The following ACADSB variants were observed in gnomAD, a reference collection of about 807,000 sequenced individuals.
ACADSB encodes acyl-CoA dehydrogenase short/branched chain.
Under a neutral mutation model 54.1 loss-of-function variants are expected in ACADSB, and 40 were observed. The ratio of observed to expected loss-of-function variants is 0.74; its 90% CI spans 0.57 to 0.96. The LOEUF (loss-of-function observed/expected upper bound fraction) is 0.96, where lower values mean the gene tolerates loss of function less well. ACADSB is among the 40% of genes least tolerant of loss of function. The pLI is 0.00. For synonymous variants in ACADSB, 182 were observed against 182.8 expected (o/e 1.00, Z 0.03); for missense variants, 530 against 510.4 (o/e 1.04, Z -0.37).
At chr10:123,034,837 C>G (rs903089732) in intron 2 of ACADSB, among the ~76,000 whole-genome samples, 2 of 152,200 alleles carry the variant, frequency 1.3e-5, no homozygotes, top group African/African-American at 4.8e-5. Flanking sequence ...CTCTAGTTCC[C>G]CAGTTCTTGC....
At chr10:123,013,861 C>G (rs1206020369) in intron 1 of ACADSB, among the ~76,000 whole-genome samples, 2 of 152,202 alleles carry the variant, frequency 1.3e-5, no homozygotes, top group Non-Finnish European at 2.9e-5. Context: ...GCCACGCAGC[C>G]CTGGTTCCCG....
At chr10:123,013,407 T>TC (rs1175105643) in intron 1 of ACADSB, among the ~76,000 whole-genome samples, 1 of 152,224 alleles carries the variant, frequency 6.6e-6, no homozygotes, top group African/African-American at 2.4e-5. Flanking sequence ...GTTCTCCAAG[T>TC]CCCCACTAGA....
At chr10:123,032,836 G>A (rs533945642) in intron 1 of ACADSB, among the ~76,000 whole-genome samples, 12 of 152,052 alleles carry the variant, frequency 7.9e-5, no homozygotes, top group South Asian at 4.2e-4. Flanking sequence ...TGATCCGCCC[G>A]CCTGGGCCTC....
In ACADSB at chr10:123,053,108, A is replaced by G; in HGVS notation, c.1176A>G (p.Val392=). 11 of 1,614,076 alleles carry G rather than the reference A, an allele frequency of 6.8e-6. No individual in the cohort carries two copies. The highest frequency in any genetic ancestry group is 1.1e-5 in the South Asian group (1 of 91,074). The part of the protein sequence containing the change: ...TSKCIEWMGG[V]GYTKDYPVEK... ...AATGTATCGAGTGGATGGGGGGAGT[A>G]GGCTACACCAAAGATTACCCTGTGG... is the stretch of plus-strand genomic sequence containing the variant. The change falls in exon 10 of 11, where the codon GTA becomes GTG. Residue 392 remains valine, a synonymous_variant. Transcript: ENST00000358776.
At chr10:123,048,991 C>T (rs541203674) in intron 8 of ACADSB, among the ~76,000 whole-genome samples, 29 of 152,306 alleles carry the variant, frequency 1.9e-4, no homozygotes, top group African/African-American at 6.7e-4. Context: ...GCTGGGATTA[C>T]AGGCGTGAGC....
chr10:123,013,603 G>T (rs919656681), intron 1 of ACADSB, among the ~76,000 whole-genome samples: 2 of 152,380 alleles, frequency 1.3e-5, no homozygotes, highest in East Asian at 3.9e-4. Context: ...ACTGGCGGTG[G>T]CGGGGAGACT....
At chr10:123,050,102 G>A (rs891729330) in intron 8 of ACADSB, among the ~76,000 whole-genome samples, 5 of 152,198 alleles carry the variant, frequency 3.3e-5, no homozygotes, top group African/African-American at 1.2e-4. Flanking sequence ...GAAAGAGAAA[G>A]AGAAGAATCT....
chr10:123,027,095 A>G (rs1850264504), intron 1 of ACADSB, among the ~76,000 whole-genome samples: 1 of 152,204 alleles, frequency 6.6e-6, no homozygotes, highest in Non-Finnish European at 1.5e-5. Flanking sequence ...ACCAAGCCAT[A>G]AGTGAATGGT....
At chr10:123,012,493 C>T (rs1378056539) in intron 1 of ACADSB, among the ~76,000 whole-genome samples, 1 of 152,172 alleles carries the variant, frequency 6.6e-6, no homozygotes, top group Admixed American at 6.5e-5. Flanking sequence ...CGGACCCTCG[C>T]GGTGAGTGCT....
At chr10:123,043,192 A>C (rs1300728057) in intron 6 of ACADSB, 21 bp downstream of exon 6, 1 of 1,612,936 alleles carries the variant, frequency 6.2e-7, no homozygotes, top group South Asian at 1.1e-5. Context: ...TAGACTAATC[A>C]GTAAAAGACT....
chr10:123,048,456 G>A (rs745697178), intron 8 of ACADSB, among the ~76,000 whole-genome samples: 3 of 151,836 alleles, frequency 2.0e-5, no homozygotes, highest in Admixed American at 1.3e-4. Context: ...GCTTCTAGTC[G>A]AATTTTCATT....
At chr10:123,011,232 A>G (rs1327662923) in intron 1 of ACADSB, among the ~76,000 whole-genome samples, 1 of 152,252 alleles carries the variant, frequency 6.6e-6, no homozygotes, top group Non-Finnish European at 1.5e-5. Flanking sequence ...GACCAGGGAC[A>G]GCATTTTACA....
At chr10:123,010,741 C>T (rs1850019995) in intron 1 of ACADSB, among the ~76,000 whole-genome samples, 1 of 152,174 alleles carries the variant, frequency 6.6e-6, no homozygotes. Flanking sequence ...TCAGCTCTTA[C>T]TGCCATGCAC....
chr10:123,057,458 A>T lies in ACADSB; in HGVS notation c.*3693A>T, dbSNP rs1033494508. ...TTCCTTTATAGCTTTTCTTCTGATA[A>T]CCATGACTTCAGGAGCTTTAAAACT... On this transcript the variant is annotated 3_prime_UTR_variant, in exon 11 of 11. Coordinates refer to ENST00000358776, the MANE Select transcript of ACADSB (RefSeq NM_001609.4). The T allele has an allele frequency of 6.6e-6, 1 of 152,200 alleles. No homozygotes were observed. Among genetic ancestry groups the T allele is most frequent in the African/African-American group, 2.4e-5 (1 of 41,444 alleles). The allele number at this position is 152,200 out of a possible 1,614,324, so 9.4% of individuals were successfully genotyped here.
In ACADSB at chr10:123,044,263, A is replaced by T. The variant is rs1850519060; in HGVS notation, c.808-130A>T. ...CTGTGGAAAAACAGCGTAGAGGGAGACACAGATGCCGGCAAGTTCTGTGAG... is the reference window on the plus strand; with the variant it reads ...CTGTGGAAAAACAGCGTAGAGGGAGTCACAGATGCCGGCAAGTTCTGTGAG... On this transcript the variant is annotated intron_variant, in intron 6 of 10. Transcript: ENST00000358776. 7.9e-6 allele frequency: 6 copies of T among 759,870 alleles called. No homozygotes were observed. In the East Asian group the frequency reaches 1.7e-4, roughly 21 times the overall value. The allele number at this position is 759,870 out of a possible 1,614,324, so 47.1% of individuals were successfully genotyped here.
In ACADSB at chr10:123,051,188, TAAAAAAA is replaced by T. The variant is rs10571424; in HGVS notation, c.1128+20_1128+26del. 1.0e-2 allele frequency: 10,123 copies of T among 1,013,450 alleles called. 4 individuals carry two copies. Among genetic ancestry groups the T allele is most frequent in the Non-Finnish European group, 0.01 (8,370 of 822,428 alleles). 62.8% of individuals were successfully genotyped at this position (1,013,450 alleles called of 1,614,324 possible). A position where few individuals can be genotyped will look rare whatever the true frequency, so the allele number is the denominator to read the frequency against. On this transcript the variant is annotated splice_donor_5th_base_variant and intron_variant, in intron 9 of 10. Coordinates refer to ENST00000358776, the MANE Select transcript of ACADSB (RefSeq NM_001609.4). ...ATGGCCAAATACTATGCATCAGAGG[TAAAAAAA>T]AAAAAAAAAAAAAAAAAGGAAAAAG...
At chr10:123,018,945 G>A (rs939870484) in intron 1 of ACADSB, among the ~76,000 whole-genome samples, 2 of 152,170 alleles carry the variant, frequency 1.3e-5, no homozygotes, top group Admixed American at 6.5e-5. Context: ...AGATTTGGGT[G>A]GGGACACAGC....
intron 8 of ACADSB, among the ~76,000 whole-genome samples, chr10:123,049,213 A>G (rs1034454718): frequency 1.3e-5 from 2 of 152,204 alleles, no homozygotes; most frequent in African/African-American, 4.8e-5. Context: ...ACATTATCTT[A>G]TGTTTGCTTT....
chr10:123,057,921 T>G lies in ACADSB; in HGVS notation c.*4156T>G, dbSNP rs1850728654. ...TTTCGACAAATTTTGGATTTCATTC[T>G]TGTTATATTTCAGTACTCTTGCTGA... On this transcript the variant is annotated 3_prime_UTR_variant, in exon 11 of 11. Coordinates refer to ENST00000358776, the MANE Select transcript of ACADSB (RefSeq NM_001609.4). The G allele has an allele frequency of 1.3e-5, 2 of 152,234 alleles. No individual in the cohort carries two copies. The allele number at this position is 152,234 out of a possible 1,614,324, so 9.4% of individuals were successfully genotyped here.
Sources: allele counts gnomAD v4.1 joint callset (sites outside exome capture counted in the v4.1 genomes callset), GRCh38; gene constraint gnomAD v4.1.1; transcripts MANE v1.5; gene names NCBI Gene and HGNC (gene_info 2026-07-23, HGNC 2026-07-21).